Variants in VPS13B observed in about 807,000 individuals in gnomAD.
VPS13B encodes vacuolar protein sorting 13 homolog B, also known as intermembrane lipid transfer protein VPS13B.
A neutral mutation model predicts 426.4 loss-of-function variants in VPS13B; 285 were observed. That is an observed-to-expected ratio of 0.67 (90% confidence interval 0.61 to 0.74). The LOEUF is 0.74. Ranked by LOEUF, VPS13B falls within the 30% of genes least tolerant of loss-of-function variation. VPS13B has a pLI of 0.00. For missense variants in VPS13B, 4,537 were observed against 4,782.6 expected (o/e 0.95, Z 1.51); for synonymous variants, 1,676 against 1,676.4 (o/e 1.00, Z 0.01).
intron 33 of VPS13B, among the ~76,000 whole-genome samples, chr8:99,601,031 G>A (rs1406225410): frequency 6.6e-6 from 1 of 151,666 alleles, no homozygotes; most frequent in Non-Finnish European, 1.5e-5. Context: ...TTAAGTTCTG[G>A]GATACATGTG....
chr8:99,187,981 G>C (rs1471725746), intron 16 of VPS13B, among the ~76,000 whole-genome samples: 1 of 151,200 alleles, frequency 6.6e-6, no homozygotes, highest in Non-Finnish European at 1.5e-5. Context: ...GAGAGAGAGA[G>C]AGTGACGGAG....
chr8:99,638,247 T>A (rs896396819), intron 33 of VPS13B, among the ~76,000 whole-genome samples: 2 of 152,126 alleles, frequency 1.3e-5, no homozygotes, highest in African/African-American at 4.8e-5. Flanking sequence ...TGTTTCCTCT[T>A]ACCCAAAGCC....
intron 19 of VPS13B, among the ~76,000 whole-genome samples, chr8:99,370,923 A>G (rs1813145427): frequency 6.6e-6 from 1 of 152,074 alleles, no homozygotes; most frequent in Non-Finnish European, 1.5e-5. Flanking sequence ...AGTTTTTATT[A>G]TAAAAGTAAT....
At chr8:99,253,501 C>G (rs1386615189) in intron 17 of VPS13B, among the ~76,000 whole-genome samples, 1 of 152,070 alleles carries the variant, frequency 6.6e-6, no homozygotes, top group Non-Finnish European at 1.5e-5. Context: ...TATTGTTTCT[C>G]TTTTTATTAT....
chr8:99,615,411 T>C (rs1050700199), intron 33 of VPS13B, among the ~76,000 whole-genome samples: 1 of 152,156 alleles, frequency 6.6e-6, no homozygotes, highest in Admixed American at 6.5e-5. Flanking sequence ...TAGTACTCCT[T>C]AATCCTTAAT....
intron 7 of VPS13B, among the ~76,000 whole-genome samples, chr8:99,117,505 T>TAACATATTCATAGTAGCC (rs1188738569): frequency 2.6e-5 from 4 of 152,214 alleles, no homozygotes; most frequent in South Asian, 4.1e-4. Context: ...ATGTTCATGG[T>TAACATATTCATAGTAGCC]AACATATTCA....
chr8:99,544,958 G>A (rs879910810), intron 30 of VPS13B, among the ~76,000 whole-genome samples: 9 of 152,176 alleles, frequency 5.9e-5, no homozygotes, highest in African/African-American at 9.6e-5. Flanking sequence ...GCTCAGGGAT[G>A]CCTAAGATCA....
chr8:99,100,448 A>G (rs1172804226), intron 4 of VPS13B, among the ~76,000 whole-genome samples: 1 of 151,872 alleles, frequency 6.6e-6, no homozygotes, highest in South Asian at 2.1e-4. Flanking sequence ...ATGCCACGAC[A>G]CCCAGTTAAT....
chr8:99,434,402 T>A (rs899021483), intron 22 of VPS13B, among the ~76,000 whole-genome samples: 1 of 152,166 alleles, frequency 6.6e-6, no homozygotes, highest in Non-Finnish European at 1.5e-5. Context: ...ATTCAAGTAT[T>A]TAACTAAGCC....
At chr8:99,640,056 GAA>G (rs58653356) in intron 33 of VPS13B, among the ~76,000 whole-genome samples, 10,668 of 94,384 alleles carry the variant, frequency 0.11, 654 homozygotes, top group African/African-American at 0.12. Context: ...GAAGAGAAAA[GAA>G]AAGAAAAGAA....
At chr8:99,855,073 T>C (rs964530705) in intron 56 of VPS13B, among the ~76,000 whole-genome samples, 4 of 152,150 alleles carry the variant, frequency 2.6e-5, no homozygotes, top group Non-Finnish European at 5.9e-5. Context: ...GAGGGACTAC[T>C]GTGTACTAGC....
At chr8:99,426,275 G>A (rs953703191) in intron 21 of VPS13B, among the ~76,000 whole-genome samples, 1 of 87,966 alleles carries the variant, frequency 1.1e-5, no homozygotes, top group South Asian at 5.0e-4. Flanking sequence ...GTATTCCATG[G>A]TGTATATGTG....
chr8:99,489,475 C>T (rs1820482168), intron 25 of VPS13B, among the ~76,000 whole-genome samples: 2 of 151,822 alleles, frequency 1.3e-5, no homozygotes, highest in South Asian at 4.2e-4. Context: ...TGGCATTGAA[C>T]TTACAAATTA....
intron 25 of VPS13B, among the ~76,000 whole-genome samples, chr8:99,495,503 T>C (rs1021086857): frequency 6.6e-6 from 1 of 152,206 alleles, no homozygotes; most frequent in Non-Finnish European, 1.5e-5. Flanking sequence ...TGTAATTTAG[T>C]GTTGGGTGAT....
intron 2 of VPS13B, among the ~76,000 whole-genome samples, chr8:99,018,814 T>A (rs1841745367): frequency 1.3e-5 from 2 of 152,230 alleles, no homozygotes; most frequent in South Asian, 4.1e-4. Context: ...ATGCTGAATT[T>A]GATCAAATAT....
intron 2 of VPS13B, among the ~76,000 whole-genome samples, chr8:99,020,409 C>A (rs1841827531): frequency 6.6e-6 from 1 of 152,136 alleles, no homozygotes; most frequent in African/African-American, 2.4e-5. Flanking sequence ...ACATGATTTG[C>A]AGATATTTTC....
chr8:99,274,483 C>T, intron 18 of VPS13B, 151 bp downstream of exon 18: 2 of 1,258,882 alleles, frequency 1.6e-6, no homozygotes, highest in East Asian at 2.5e-5. Context: ...TCTAATTGTG[C>T]CAGGATGGTA....
chr8:99,221,706 A>C (rs1045632342), intron 17 of VPS13B, among the ~76,000 whole-genome samples: 3 of 152,152 alleles, frequency 2.0e-5, no homozygotes, highest in Admixed American at 6.5e-5. Flanking sequence ...GGAAATCAGT[A>C]CCTCAGCTAT....
At chr8:99,652,028 G>A (rs922516910) in intron 34 of VPS13B, among the ~76,000 whole-genome samples, 4 of 152,120 alleles carry the variant, frequency 2.6e-5, no homozygotes, top group Non-Finnish European at 5.9e-5. Flanking sequence ...AAGTTTATTT[G>A]AATGTATCAT....
Sources: gnomAD v4.1 joint callset for allele counts (sites outside exome capture counted in the v4.1 genomes callset) on GRCh38, gnomAD v4.1.1 for gene constraint, MANE v1.5 for transcripts, NCBI Gene and HGNC (gene_info 2026-07-23, HGNC 2026-07-21) for gene names.